The following RSPO2 variants were observed in gnomAD, a reference collection of about 807,000 sequenced individuals.
The protein encoded by RSPO2 is R-spondin-2.
In RSPO2, 14 loss-of-function variants were observed where a neutral mutation model predicts 30.9. The ratio of observed to expected loss-of-function variants is 0.45; its 90% confidence interval spans 0.30 to 0.71. The LOEUF (loss-of-function observed/expected upper bound fraction) is 0.71. Among genes scored for constraint, RSPO2 ranks in the 30% least tolerant of loss-of-function variants. RSPO2 has a pLI of 0.08. For missense variants in RSPO2, 264 were observed against 301.9 expected (o/e 0.87, Z 0.93); for synonymous variants, 107 against 96.4 (o/e 1.11, Z -0.64).
chr8:108,024,955 G>A (rs7007716), intron 2 of RSPO2, among the ~76,000 whole-genome samples: 10 of 152,064 alleles, frequency 6.6e-5, no homozygotes, highest in African/African-American at 2.4e-4. Context: ...AGGAGGCAGA[G>A]GGGCAGCGAG....
chr8:108,000,284 A>T (rs1367586668), intron 2 of RSPO2, among the ~76,000 whole-genome samples: 1 of 152,200 alleles, frequency 6.6e-6, no homozygotes, highest in Non-Finnish European at 1.5e-5. Context: ...ACCAAAGCAA[A>T]TAATCACGGT....
chr8:107,956,523 A>T (rs1328758683), intron 5 of RSPO2, among the ~76,000 whole-genome samples: 4 of 152,228 alleles, frequency 2.6e-5, no homozygotes, highest in Non-Finnish European at 4.4e-5. Flanking sequence ...TGCAATAAAT[A>T]TTATGGTTAA....
intron 2 of RSPO2, among the ~76,000 whole-genome samples, chr8:108,049,924 A>C (rs1360874670): frequency 1.3e-5 from 2 of 152,192 alleles, no homozygotes; most frequent in Non-Finnish European, 2.9e-5. Context: ...CACATTCTAT[A>C]GAGTTACATA....
chr8:107,975,383 T>A (rs1022057072), intron 3 of RSPO2, among the ~76,000 whole-genome samples: 1 of 151,948 alleles, frequency 6.6e-6, no homozygotes. Flanking sequence ...TAGGATGTCA[T>A]CAGCCACACA....
intron 2 of RSPO2, among the ~76,000 whole-genome samples, chr8:108,016,123 T>C (rs1810882673): frequency 2.0e-5 from 3 of 152,328 alleles, no homozygotes; most frequent in Admixed American, 2.0e-4. Flanking sequence ...AGAAAATCTC[T>C]AGTAAGAATC....
intron 3 of RSPO2, chr8:107,983,724 G>T: frequency 6.3e-7 from 1 of 1,591,908 alleles, no homozygotes; most frequent in Non-Finnish European, 8.6e-7. Context: ...GGCTGAAAAG[G>T]CCAGACTTCT....
chr8:107,946,496 G>A lies in RSPO2; in HGVS notation c.616+11584C>T, dbSNP rs568675360. On this transcript the variant is annotated intron_variant, in intron 5 of 5. Coordinates refer to ENST00000276659, the MANE Select transcript of RSPO2 (RefSeq NM_178565.5). ...CACCTAGGGAGAGGTGCCCACGAAC[G>A]GACAAACCTGTGGGACTGGGGCACA... 3.3e-5 allele frequency among the ~76,000 whole-genome samples: 5 copies of A among 152,262 alleles called. No individual in the cohort carries two copies. In the South Asian group the frequency reaches 6.2e-4, roughly 19 times the overall value.
At chr8:108,023,518 G>T (rs1018631510) in intron 2 of RSPO2, among the ~76,000 whole-genome samples, 15 of 152,180 alleles carry the variant, frequency 9.9e-5, no homozygotes, top group African/African-American at 3.6e-4. Context: ...TAAGAAGCCA[G>T]CAGAATGTGA....
intron 5 of RSPO2, among the ~76,000 whole-genome samples, chr8:107,921,935 T>C (rs1241635400): frequency 1.3e-5 from 2 of 152,180 alleles, no homozygotes; most frequent in South Asian, 2.1e-4. Flanking sequence ...AAAGTAGGCA[T>C]TGAAGGAACA....
chr8:108,001,107 G>T (rs1815231442), intron 2 of RSPO2, among the ~76,000 whole-genome samples: 1 of 152,134 alleles, frequency 6.6e-6, no homozygotes, highest in Non-Finnish European at 1.5e-5. Flanking sequence ...CAGGAGAATG[G>T]CGTGAACCCA....
chr8:107,901,853 C>G (rs986288600), intron 5 of RSPO2, among the ~76,000 whole-genome samples: 1 of 152,232 alleles, frequency 6.6e-6, no homozygotes, highest in African/African-American at 2.4e-5. Context: ...TGGTATGTGT[C>G]TAACTACCAG....
chr8:107,916,944 T>C (rs1017280152), intron 5 of RSPO2, among the ~76,000 whole-genome samples: 23 of 152,362 alleles, frequency 1.5e-4, no homozygotes, highest in African/African-American at 5.5e-4. Flanking sequence ...TAAAATTTTA[T>C]TTAAAAACTA....
chr8:108,028,186 A>T (rs1811284619), intron 2 of RSPO2, among the ~76,000 whole-genome samples: 1 of 152,166 alleles, frequency 6.6e-6, no homozygotes, highest in African/African-American at 2.4e-5. Flanking sequence ...ACTCTGACCT[A>T]GCAATTGACC....
intron 2 of RSPO2, among the ~76,000 whole-genome samples, chr8:108,065,712 C>T (rs1433638793): frequency 6.6e-6 from 1 of 150,702 alleles, no homozygotes; most frequent in Non-Finnish European, 1.5e-5. Flanking sequence ...GACATGTAAT[C>T]TCTAGGCCCC....
chr8:107,973,792 C>T (rs1814104925), intron 3 of RSPO2, among the ~76,000 whole-genome samples: 1 of 152,108 alleles, frequency 6.6e-6, no homozygotes, highest in Admixed American at 6.6e-5. Flanking sequence ...TTCCCCCCAT[C>T]TTCTTCCCTT....
intron 5 of RSPO2, among the ~76,000 whole-genome samples, chr8:107,945,119 CTT>C (rs1563532446): frequency 6.6e-6 from 1 of 151,854 alleles, no homozygotes; most frequent in Non-Finnish European, 1.5e-5. Context: ...TGGGCAATGA[CTT>C]TTTCTTCCCT....
chr8:107,982,009 C>CAAAAA (rs372977834), intron 3 of RSPO2, among the ~76,000 whole-genome samples: 172 of 55,282 alleles, frequency 3.1e-3, no homozygotes, highest in African/African-American at 6.1e-3. Context: ...ACAACAACAA[C>CAAAAA]AAAAAAAAAA....
intron 5 of RSPO2, among the ~76,000 whole-genome samples, chr8:107,945,996 C>A (rs985584966): frequency 6.6e-6 from 1 of 152,170 alleles, no homozygotes; most frequent in Non-Finnish European, 1.5e-5. Flanking sequence ...TATTTGCTCC[C>A]TCTGCCTAAC....
chr8:107,946,329 G>C (rs1274696508), intron 5 of RSPO2, among the ~76,000 whole-genome samples: 1 of 152,196 alleles, frequency 6.6e-6, no homozygotes, highest in Non-Finnish European at 1.5e-5. Flanking sequence ...TGAATGTGAG[G>C]AAAAGATTCA....
Sources: allele counts gnomAD v4.1 joint callset (sites outside exome capture counted in the v4.1 genomes callset), GRCh38; gene constraint gnomAD v4.1.1; transcripts MANE v1.5; gene names NCBI Gene and HGNC (gene_info 2026-07-23, HGNC 2026-07-21).